Variants in NRXN3 observed in about 807,000 individuals in gnomAD.
NRXN3 encodes neurexin 3.
NRXN3 carries 32 observed loss-of-function variants against 137.6 expected under a neutral mutation model. The ratio of observed to expected loss-of-function variants is 0.23; its 90% CI spans 0.18 to 0.31. The LOEUF (loss-of-function observed/expected upper bound fraction) is 0.31, where lower values mean the gene tolerates loss of function less well. Ranked by LOEUF, NRXN3 falls within the 10% of genes least tolerant of loss-of-function variation. NRXN3 has a pLI of 1.00. For missense variants in NRXN3, 1,574 were observed against 2,062.5 expected, an observed-to-expected ratio of 0.76 and a Z score of 4.59; for synonymous variants, 798 against 784.5, an observed-to-expected ratio of 1.02 and a Z score of -0.29.
intron 16 of NRXN3, among the ~76,000 whole-genome samples, chr14:79,470,898 G>A (rs540832629): frequency 7.7e-4 from 109 of 142,124 alleles, no homozygotes; most frequent in African/African-American, 3.2e-3. Context: ...AAGAGAGAGA[G>A]AGAGTGTGTG....
At chr14:78,393,591 T>A (rs780435385) in intron 4 of NRXN3, among the ~76,000 whole-genome samples, 7 of 152,060 alleles carry the variant, frequency 4.6e-5, no homozygotes, top group African/African-American at 1.2e-4. Context: ...CTTCAGGTAT[T>A]CTAGTTTCTT....
At chr14:79,250,633 C>T (rs1394270919) in intron 15 of NRXN3, among the ~76,000 whole-genome samples, 1 of 152,172 alleles carries the variant, frequency 6.6e-6, no homozygotes, top group Admixed American at 6.5e-5. Flanking sequence ...AGCCCATTCC[C>T]TGTTTGCATA....
intron 11 of NRXN3, among the ~76,000 whole-genome samples, chr14:78,960,369 T>C (rs2099405726): frequency 1.3e-5 from 2 of 152,184 alleles, no homozygotes; most frequent in South Asian, 4.1e-4. Context: ...AGTCCTCAAG[T>C]TATTAAGTAG....
At chr14:78,272,083 C>CT (rs1034853528) in intron 2 of NRXN3, among the ~76,000 whole-genome samples, 22 of 151,374 alleles carry the variant, frequency 1.5e-4, no homozygotes, top group African/African-American at 3.9e-4. Flanking sequence ...CAGTCTTTGC[C>CT]TTTTTTTTTG....
chr14:79,180,848 A>C (rs971340715), intron 15 of NRXN3, among the ~76,000 whole-genome samples: 3 of 152,124 alleles, frequency 2.0e-5, no homozygotes, highest in Non-Finnish European at 4.4e-5. Flanking sequence ...TGACGTCATT[A>C]CTACGTACTA....
intron 20 of NRXN3, among the ~76,000 whole-genome samples, chr14:79,824,280 G>A (rs533716757): frequency 2.0e-4 from 30 of 152,314 alleles, no homozygotes; most frequent in African/African-American, 7.0e-4. Context: ...TCTCTTCCAT[G>A]TAGGGAACAT....
At chr14:79,385,805 G>C (rs370446403) in intron 15 of NRXN3, among the ~76,000 whole-genome samples, 7 of 152,094 alleles carry the variant, frequency 4.6e-5, no homozygotes, top group Admixed American at 4.6e-4. Flanking sequence ...TTAAACATAC[G>C]CGAATCAATA....
intron 4 of NRXN3, among the ~76,000 whole-genome samples, chr14:78,362,303 A>AT (rs71131642): frequency 0.98 from 107,293 of 109,394 alleles, 52,662 homozygotes; most frequent in Non-Finnish European, 1. Flanking sequence ...TTTGAAACAC[A>AT]TTTTTTTTTT....
At chr14:79,599,774 C>T (rs1039831997) in intron 16 of NRXN3, among the ~76,000 whole-genome samples, 18 of 152,324 alleles carry the variant, frequency 1.2e-4, no homozygotes, top group African/African-American at 3.8e-4. Flanking sequence ...GCGGGCAGAT[C>T]ACCTGAGGTC....
At chr14:78,175,464 C>T (rs2059167113) in intron 1 of NRXN3, among the ~76,000 whole-genome samples, 1 of 152,136 alleles carries the variant, frequency 6.6e-6, no homozygotes, top group South Asian at 2.1e-4. Context: ...CCTTCTAAAA[C>T]CTCACTGCCT....
In NRXN3 at chr14:79,614,188, C is replaced by T. The variant is rs1294133121; in HGVS notation, c.3445-49590C>T. On this transcript the variant is annotated intron_variant, in intron 16 of 20. Coordinates refer to ENST00000335750, the MANE Select transcript of NRXN3 (RefSeq NM_001330195.2). ...AGGCAGTTCAGCTCTGTGATGGTTC[C>T]GTTGAGATAGAACACACATATACAA... 2.0e-5 allele frequency among the ~76,000 whole-genome samples: 3 copies of T among 152,140 alleles called. 1 individual carries two copies. In the South Asian group the frequency reaches 6.2e-4, roughly 31 times the overall value.
chr14:78,650,058 T>A (rs976002166), intron 5 of NRXN3, among the ~76,000 whole-genome samples: 1 of 152,130 alleles, frequency 6.6e-6, no homozygotes, highest in African/African-American at 2.4e-5. Flanking sequence ...TCATCTTTCA[T>A]ATATTTGGGG....
At chr14:78,476,347 T>C (rs975323347) in intron 4 of NRXN3, among the ~76,000 whole-genome samples, 2 of 152,166 alleles carry the variant, frequency 1.3e-5, no homozygotes, top group Non-Finnish European at 2.9e-5. Context: ...GGAATTCCTC[T>C]CCAAGGAGGT....
At chr14:79,317,632 G>A (rs1271927088) in intron 15 of NRXN3, among the ~76,000 whole-genome samples, 1 of 152,158 alleles carries the variant, frequency 6.6e-6, no homozygotes, top group Non-Finnish European at 1.5e-5. Context: ...GGAAGGAAAA[G>A]CCCCGGCAAC....
At chr14:78,572,181 CATG>C (rs2096896005) in intron 4 of NRXN3, among the ~76,000 whole-genome samples, 1 of 152,222 alleles carries the variant, frequency 6.6e-6, no homozygotes, top group Non-Finnish European at 1.5e-5. Context: ...TTTCTACTGA[CATG>C]ATACTGAGCT....
chr14:78,746,331 G>C (rs562289485), intron 8 of NRXN3, among the ~76,000 whole-genome samples: 189 of 152,320 alleles, frequency 1.2e-3, no homozygotes, highest in African/African-American at 4.4e-3. Flanking sequence ...GCCATATCAT[G>C]TTGGGTTGCT....
Position 78,494,213 on chromosome 14 carries a change from T to C in NRXN3, c.758-150907T>C, listed in dbSNP as rs77083076. The stretch of plus-strand genomic sequence containing the variant: ...ACCAACCTTCGTGGAGCTGTTGCTA[T>C]GTAAAATATATTACACTTAGGTCAC... On this transcript the variant is annotated intron_variant, in intron 4 of 20. Transcript: ENST00000335750. Among the ~76,000 whole-genome samples the C allele has an allele frequency of 5.9e-5, 9 of 152,340 alleles. No individual in the cohort carries two copies. The East Asian group carries it at 1.7e-3, about 29-fold the overall frequency.
intron 7 of NRXN3, among the ~76,000 whole-genome samples, chr14:78,713,155 G>T (rs975418478): frequency 3.3e-5 from 5 of 152,180 alleles, no homozygotes; most frequent in African/African-American, 1.2e-4. Flanking sequence ...GGGTCATAAA[G>T]ACATTTAGGA....
intron 4 of NRXN3, among the ~76,000 whole-genome samples, chr14:78,321,328 A>G (rs758116438): frequency 4.2e-4 from 64 of 151,986 alleles, no homozygotes; most frequent in Non-Finnish European, 8.2e-4. Context: ...GGAGAAGTAA[A>G]TGGGTCAGGG....
Sources: allele counts gnomAD v4.1 joint callset (sites outside exome capture counted in the v4.1 genomes callset), GRCh38; gene constraint gnomAD v4.1.1; transcripts MANE v1.5; gene names NCBI Gene and HGNC (gene_info 2026-07-23, HGNC 2026-07-21).